The following MBP variants were observed in gnomAD, a reference collection of about 807,000 sequenced individuals.
MBP encodes myelin basic protein, also known as Golli-MBP.
A neutral mutation model predicts 35.8 loss-of-function variants in MBP; 16 were observed. The ratio of observed to expected loss-of-function variants is 0.45; its 90% confidence interval spans 0.30 to 0.68. The LOEUF (loss-of-function observed/expected upper bound fraction) is 0.68, where lower values mean the gene tolerates loss of function less well. MBP is among the 30% of genes least tolerant of loss of function. MBP has a pLI of 0.08. For synonymous variants in MBP, 143 were observed against 159.6 expected, an observed-to-expected ratio of 0.90 and a Z score of 0.78; for missense variants, 380 against 404.7, an observed-to-expected ratio of 0.94 and a Z score of 0.52.
Position 77,020,788 on chromosome 18 carries a change from T to G in MBP, c.140-3520A>C, listed in dbSNP as rs1971958100. Reference sequence around the variant, plus strand: ...ACCCTCCCGGTTAGGGCATGGTGGGTGGGAGCACTCTGGAAACCCGCATTC... The same window carrying G: ...ACCCTCCCGGTTAGGGCATGGTGGGGGGGAGCACTCTGGAAACCCGCATTC... On this transcript the variant is annotated intron_variant, in intron 3 of 8. Transcript: ENST00000355994. The surrounding 1 kb of genome is among the most constrained non-coding windows in gnomAD (Gnocchi z 4.1). 1.3e-5 allele frequency among the ~76,000 whole-genome samples: 2 copies of G among 152,162 alleles called. No individual in the cohort carries two copies. Among genetic ancestry groups the G allele is most frequent in the Non-Finnish European group, 2.9e-5 (2 of 68,020 alleles).
chr18:77,021,732 C>T (rs1971995768), intron 3 of MBP, among the ~76,000 whole-genome samples: 1 of 152,120 alleles, frequency 6.6e-6, no homozygotes, highest in African/African-American at 2.4e-5. Context: ...ATCCACCTGC[C>T]TCGGCCCCGC....
intron 3 of MBP, among the ~76,000 whole-genome samples, chr18:77,060,095 C>G (rs887843398): frequency 1.3e-5 from 2 of 152,194 alleles, no homozygotes; most frequent in African/African-American, 4.8e-5. Context: ...CCATGTCCTT[C>G]TATGTTAAAC....
Position 77,028,954 on chromosome 18 carries a change from C to CTT in MBP, c.140-11687_140-11686insAA, listed in dbSNP as rs1555717036. On this transcript the variant is annotated intron_variant, in intron 3 of 8. Coordinates refer to ENST00000355994, the MANE Select transcript of MBP (RefSeq NM_001025101.2). ...GACTGGGCAGCCAGGCAGAGGGGCT[C>CTT]CATCCCAGACAATGGGCGGCCAGGC... 4.2e-5 allele frequency among the ~76,000 whole-genome samples: 3 copies of CTT among 71,806 alleles called. 1 individual carries two copies. Among genetic ancestry groups the CTT allele is most frequent in the Non-Finnish European group, 1.1e-4 (3 of 28,530 alleles). The allele number at this position is 71,806 out of a possible 152,430, so 47.1% of individuals were successfully genotyped here.
intron 7 of MBP, chr18:76,986,796 G>A (rs1969583184): frequency 1.0e-6 from 1 of 985,424 alleles, no homozygotes; most frequent in Non-Finnish European, 1.2e-6. Flanking sequence ...CAAAAATAAA[G>A]CATTTTTGAG....
chr18:77,083,566 C>T lies in MBP; in HGVS notation c.52-17181G>A, dbSNP rs60473178. ...TTTATAGCAGTGTTATTCATGATAG[C>T]CAAAAAAGTATAAACACAAACATCT... On this transcript the variant is annotated intron_variant, in intron 2 of 8. Coordinates refer to ENST00000355994, the MANE Select transcript of MBP (RefSeq NM_001025101.2). Among the ~76,000 whole-genome samples the T allele has an allele frequency of 3.2e-3, 485 of 151,908 alleles. 3 individuals are homozygous for T. Among genetic ancestry groups the T allele is most frequent in the African/African-American group, 0.011 (471 of 41,380 alleles).
intron 2 of MBP, among the ~76,000 whole-genome samples, chr18:77,066,937 G>T (rs570560789): frequency 2.0e-5 from 3 of 152,332 alleles, no homozygotes; most frequent in East Asian, 3.9e-4. Flanking sequence ...CCACTCCTCT[G>T]GGAATCTTCG....
At chr18:77,106,981 T>C (rs774556432) in intron 1 of MBP, among the ~76,000 whole-genome samples, 30 of 152,302 alleles carry the variant, frequency 2.0e-4, no homozygotes, top group Middle Eastern at 3.4e-3. Context: ...TGTGTCCTTT[T>C]AGGGTCTAAG....
chr18:77,093,761 G>C (rs1166882773), intron 2 of MBP, among the ~76,000 whole-genome samples: 1 of 152,140 alleles, frequency 6.6e-6, no homozygotes, highest in African/African-American at 2.4e-5. Flanking sequence ...ATTCCCACGG[G>C]CGGGCGCTGC....
chr18:77,124,446 C>A (rs577623810), intron 1 of MBP, among the ~76,000 whole-genome samples: 7 of 150,534 alleles, frequency 4.7e-5, no homozygotes, highest in African/African-American at 1.2e-4. Flanking sequence ...TCCCACCCCC[C>A]ACCCCGTGCT....
chr18:77,092,159 A>G (rs1281979185), intron 2 of MBP, among the ~76,000 whole-genome samples: 1 of 152,282 alleles, frequency 6.6e-6, no homozygotes. Flanking sequence ...GTCTCTGCAC[A>G]GCTGCAATTA....
chr18:77,054,884 G>C (rs1202817663), intron 3 of MBP, among the ~76,000 whole-genome samples: 1 of 152,142 alleles, frequency 6.6e-6, no homozygotes, highest in Non-Finnish European at 1.5e-5. Context: ...CTCTGCCACT[G>C]TGATCTCCAG....
At chr18:77,052,786 C>A (rs1292887083) in intron 3 of MBP, among the ~76,000 whole-genome samples, 1 of 152,176 alleles carries the variant, frequency 6.6e-6, no homozygotes, top group East Asian at 1.9e-4. Context: ...AAGTACCCTG[C>A]CAGCCCAGCA....
intron 3 of MBP, among the ~76,000 whole-genome samples, chr18:77,039,613 G>A (rs1315323309): frequency 6.6e-6 from 1 of 152,198 alleles, no homozygotes; most frequent in Non-Finnish European, 1.5e-5. Context: ...GCAGGGGAGG[G>A]TGAACAGCAC....
intron 2 of MBP, among the ~76,000 whole-genome samples, chr18:77,074,293 CCAAGGGGGTTCAGTGAGCCCCGGTCT>C (rs1411504332): frequency 2.2e-4 from 33 of 149,716 alleles, no homozygotes; most frequent in South Asian, 1.1e-3. Flanking sequence ...CCGGGTCTCC[CCAAGGGGGTTCAGTGAGCCCCGGTCT>C]CAAGGGGGTT....
intron 7 of MBP, 155 bp from the exon 8 acceptor site, chr18:76,985,049 G>C: frequency 6.7e-7 from 1 of 1,489,514 alleles, no homozygotes; most frequent in East Asian, 2.4e-5. Context: ...CCACGCTGAG[G>C]GGGTGGGGGC....
intron 1 of MBP, among the ~76,000 whole-genome samples, chr18:77,122,599 T>G (rs931454991): frequency 5.3e-5 from 8 of 152,218 alleles, no homozygotes; most frequent in Non-Finnish European, 7.3e-5. Context: ...CTGGAGTGCA[T>G]TGGCGCAATC....
intron 1 of MBP, among the ~76,000 whole-genome samples, chr18:77,120,328 T>C (rs1976851473): frequency 6.6e-6 from 1 of 152,200 alleles, no homozygotes; most frequent in Non-Finnish European, 1.5e-5. Context: ...TCAGACGCGC[T>C]GCACACACCT....
chr18:77,035,604 C>A (rs1419224988), intron 3 of MBP, among the ~76,000 whole-genome samples: 2 of 152,322 alleles, frequency 1.3e-5, no homozygotes, highest in South Asian at 2.1e-4. Context: ...AACAACACAG[C>A]CCCTGCAGAC....
At chr18:76,987,688 C>T (rs1462484028) in intron 7 of MBP, 16 of 991,530 alleles carry the variant, frequency 1.6e-5, no homozygotes, top group Non-Finnish European at 1.8e-5. Context: ...ACAGACACAA[C>T]CTATCTACAA....
Sources: allele counts gnomAD v4.1 joint callset (sites outside exome capture counted in the v4.1 genomes callset), GRCh38; gene constraint gnomAD v4.1.1; non-coding constraint Gnocchi (gnomAD v3.1); transcripts MANE v1.5; gene names NCBI Gene and HGNC (gene_info 2026-07-23, HGNC 2026-07-21).